Variants in DYNC1I1 observed in about 807,000 individuals in gnomAD.
The protein encoded by DYNC1I1 is dynein cytoplasmic 1 intermediate chain 1.
DYNC1I1 carries 43 observed loss-of-function variants against 86.6 expected under a neutral mutation model. The observed-to-expected ratio is 0.50, with a 90% confidence interval of 0.39 to 0.64. The LOEUF is 0.64. Ranked by LOEUF, DYNC1I1 falls within the 30% of genes least tolerant of loss-of-function variation. The pLI is 0.00. For synonymous variants in DYNC1I1, 262 were observed against 283.7 expected (o/e 0.92, Z 0.77); for missense variants, 604 against 788.8 (o/e 0.77, Z 2.81).
intron 2 of DYNC1I1, among the ~76,000 whole-genome samples, chr7:95,805,967 T>G (rs1020404133): frequency 2.6e-5 from 4 of 152,194 alleles, no homozygotes; most frequent in Admixed American, 2.6e-4. Flanking sequence ...ATTTTAGCCT[T>G]CTGGCATCTC....
intron 16 of DYNC1I1, 29 bp from the exon 17 acceptor site, chr7:96,097,454 C>T: frequency 1.2e-6 from 2 of 1,612,172 alleles, no homozygotes; most frequent in Non-Finnish European, 1.7e-6. Flanking sequence ...ATATCTTGTT[C>T]ATCATTTCTC....
In DYNC1I1 at chr7:95,957,428, C is replaced by T. The variant is rs368002541; in HGVS notation, c.491-20084C>T. 1.8e-4 allele frequency among the ~76,000 whole-genome samples: 27 copies of T among 152,186 alleles called. No homozygotes were observed. The East Asian group carries it at 4.1e-3, about 23-fold the overall frequency. Reference sequence around the variant, plus strand: ...CCCTCCCTAAAATGAATACATTGTCCAAGATCTTTATCCCCTCCTCCTCCT... The same window carrying T: ...CCCTCCCTAAAATGAATACATTGTCTAAGATCTTTATCCCCTCCTCCTCCT... On this transcript the variant is annotated intron_variant, in intron 6 of 16. Coordinates refer to ENST00000447467, the MANE Select transcript of DYNC1I1 (RefSeq NM_001135556.2).
intron 5 of DYNC1I1, among the ~76,000 whole-genome samples, chr7:95,849,299 A>G (rs895977377): frequency 5.9e-5 from 9 of 152,192 alleles, no homozygotes; most frequent in Admixed American, 1.3e-4. Flanking sequence ...ATCCTTGTCC[A>G]GAACAATGTC....
At chr7:95,777,981 G>A (rs1166006708) in intron 1 of DYNC1I1, among the ~76,000 whole-genome samples, 1 of 152,056 alleles carries the variant, frequency 6.6e-6, no homozygotes, top group African/African-American at 2.4e-5. Flanking sequence ...TCAGAATGTT[G>A]TAAACTTTGA....
intron 9 of DYNC1I1, 95 bp from the exon 10 acceptor site, chr7:95,995,853 A>G: frequency 6.7e-7 from 1 of 1,486,186 alleles, no homozygotes; most frequent in Non-Finnish European, 9.0e-7. Context: ...AGCACCATTT[A>G]CACTGTGTAG....
At chr7:95,981,500 GT>G (rs1399946592) in intron 7 of DYNC1I1, among the ~76,000 whole-genome samples, 7 of 152,122 alleles carry the variant, frequency 4.6e-5, no homozygotes, top group African/African-American at 1.7e-4. Context: ...CATGTATTCT[GT>G]AAAATTTCTT....
chr7:95,804,469 G>A, intron 1 of DYNC1I1: 1 of 970,254 alleles, frequency 1.0e-6, no homozygotes, highest in Non-Finnish European at 1.4e-6. Flanking sequence ...TTCTTGCTTA[G>A]GCCACATAAT....
chr7:95,799,223 A>C (rs1234767709), intron 1 of DYNC1I1, among the ~76,000 whole-genome samples: 1 of 152,126 alleles, frequency 6.6e-6, no homozygotes, highest in Non-Finnish European at 1.5e-5. Flanking sequence ...ATCAAAAAAT[A>C]CAAAAATTAG....
intron 14 of DYNC1I1, among the ~76,000 whole-genome samples, chr7:96,065,872 T>A (rs1481157705): frequency 6.6e-6 from 1 of 152,232 alleles, no homozygotes; most frequent in Non-Finnish European, 1.5e-5. Flanking sequence ...TTCTCTATTT[T>A]TTCTATTTTC....
Position 95,804,808 on chromosome 7 carries a change from CG to C in DYNC1I1, c.81del (p.Lys28ArgfsTer47). Reference sequence around the variant, plus strand: ...AGCACAGATAAGAGAAGAGAAGAAACGGAAGGAAGAGGAGAGGAAAAAGAAA... The same window carrying C: ...AGCACAGATAAGAGAAGAGAAGAAACGAAGGAAGAGGAGAGGAAAAAGAAA... ...RLAQIREEKK[R>X]KEEERKKKEA... On this transcript the variant is annotated frameshift_variant, in exon 2 of 17. Transcript: ENST00000447467. LOFTEE classifies it high-confidence loss of function. 1 of 1,571,772 alleles carries C rather than the reference CG, an allele frequency of 6.4e-7. No homozygotes were observed. The highest frequency in any genetic ancestry group is 1.2e-5 in the South Asian group (1 of 85,974).
intron 5 of DYNC1I1, among the ~76,000 whole-genome samples, chr7:95,861,753 C>T (rs4727326): frequency 0.21 from 32,279 of 151,994 alleles, 3,511 homozygotes; most frequent in African/African-American, 0.25. Context: ...ACTTTAGTGA[C>T]GCTCTTGCTA....
intron 6 of DYNC1I1, among the ~76,000 whole-genome samples, chr7:95,967,916 G>A (rs1793057372): frequency 1.3e-5 from 2 of 152,188 alleles, no homozygotes; most frequent in Admixed American, 6.5e-5. Flanking sequence ...GTGCATGCTT[G>A]TGCGGGGGTG....
At chr7:96,041,316 T>G (rs542403031) in intron 14 of DYNC1I1, among the ~76,000 whole-genome samples, 1 of 152,318 alleles carries the variant, frequency 6.6e-6, no homozygotes, top group African/African-American at 2.4e-5. Context: ...ATCTAAGTTT[T>G]GCAACATACT....
chr7:95,814,617 T>G (rs1794906685), intron 4 of DYNC1I1, among the ~76,000 whole-genome samples: 1 of 152,184 alleles, frequency 6.6e-6, no homozygotes, highest in Non-Finnish European at 1.5e-5. Context: ...TAGCTGAAGA[T>G]CTGGACATGA....
At chr7:96,056,631 GTGGAACTC>G (rs1163449842) in intron 14 of DYNC1I1, among the ~76,000 whole-genome samples, 5 of 151,946 alleles carry the variant, frequency 3.3e-5, no homozygotes, top group Non-Finnish European at 2.9e-5. Context: ...TTTGTATTCT[GTGGAACTC>G]TAACAGGCAT....
intron 16 of DYNC1I1, among the ~76,000 whole-genome samples, chr7:96,094,410 C>A (rs916909462): frequency 6.6e-6 from 1 of 152,156 alleles, no homozygotes; most frequent in Non-Finnish European, 1.5e-5. Context: ...TACTTTCTAG[C>A]CATTTCTAAT....
chr7:95,816,139 T>A (rs2115859249), intron 4 of DYNC1I1, among the ~76,000 whole-genome samples: 1 of 152,238 alleles, frequency 6.6e-6, no homozygotes, highest in African/African-American at 2.4e-5. Flanking sequence ...TGCCTCGGCC[T>A]CCTGAGTAGC....
Position 95,980,288 on chromosome 7 carries a change from T to C in DYNC1I1, c.580+2687T>C, listed in dbSNP as rs182821711. Among the ~76,000 whole-genome samples the C allele has an allele frequency of 2.6e-3, 388 of 152,136 alleles. 1 individual carries two copies. Among genetic ancestry groups the C allele is most frequent in the Non-Finnish European group, 4.6e-3 (310 of 67,990 alleles). On this transcript the variant is annotated intron_variant, in intron 7 of 16. Coordinates refer to ENST00000447467, the MANE Select transcript of DYNC1I1 (RefSeq NM_001135556.2). ...ACATAATGGGTTAAAAGGATGTTTA[T>C]GTTGGCATCAAACTCTGGCTTTTTT...
intron 10 of DYNC1I1, among the ~76,000 whole-genome samples, chr7:96,024,545 CTT>C (rs1003397779): frequency 2.6e-5 from 4 of 152,108 alleles, no homozygotes; most frequent in Admixed American, 2.6e-4. Context: ...GGCAAGGAAA[CTT>C]TTTGTTTCCA....
Sources: allele counts gnomAD v4.1 joint callset (sites outside exome capture counted in the v4.1 genomes callset), GRCh38; gene constraint gnomAD v4.1.1; transcripts MANE v1.5; gene names NCBI Gene and HGNC (gene_info 2026-07-23, HGNC 2026-07-21).